Variants in PLD5 observed in about 807,000 individuals in gnomAD.
The protein encoded by PLD5 is inactive phospholipase D5.
Under a neutral mutation model 61.1 loss-of-function variants are expected in PLD5, and 36 were observed. The ratio of observed to expected loss-of-function variants is 0.59; its 90% confidence interval spans 0.45 to 0.78. The LOEUF is 0.78. Among genes scored for constraint, PLD5 ranks in the 30% least tolerant of loss-of-function variants. PLD5 has a pLI of 0.00. For synonymous variants in PLD5, 243 were observed against 242.8 expected, an observed-to-expected ratio of 1.00 and a Z score of -0.01; for missense variants, 515 against 644.4, an observed-to-expected ratio of 0.80 and a Z score of 2.17.
chr1:242,377,025 A>C (rs1256147299), intron 1 of PLD5: 1 of 1,611,594 alleles, frequency 6.2e-7, no homozygotes, highest in Non-Finnish European at 8.5e-7. Flanking sequence ...TTTTGCGCAC[A>C]CTTTGCACTT....
At chr1:242,258,581 G>A (rs1237093887) in intron 4 of PLD5, among the ~76,000 whole-genome samples, 1 of 152,178 alleles carries the variant, frequency 6.6e-6, no homozygotes, top group Admixed American at 6.5e-5. Context: ...TTGTGACAAA[G>A]TTGTCACTGC....
At chr1:242,170,330 C>G (rs1490650838) in intron 5 of PLD5, among the ~76,000 whole-genome samples, 1 of 152,170 alleles carries the variant, frequency 6.6e-6, no homozygotes, top group Admixed American at 6.5e-5. Context: ...CCAGCAGACC[C>G]ACAGCAGAGG....
chr1:242,290,982 C>T (rs1439939785), intron 2 of PLD5, among the ~76,000 whole-genome samples: 2 of 152,140 alleles, frequency 1.3e-5, no homozygotes, highest in African/African-American at 2.4e-5. Flanking sequence ...GCCCTTGACC[C>T]GCCCCCACAT....
intron 1 of PLD5, among the ~76,000 whole-genome samples, chr1:242,424,198 C>A (rs544850768): frequency 6.6e-6 from 1 of 152,264 alleles, no homozygotes; most frequent in South Asian, 2.1e-4. Flanking sequence ...CAATCCCTCT[C>A]AATCTGGCTC....
chr1:242,518,778 A>C (rs947004751), intron 1 of PLD5, among the ~76,000 whole-genome samples: 17 of 152,212 alleles, frequency 1.1e-4, no homozygotes, highest in Admixed American at 7.2e-4. Context: ...ATTATGTTAA[A>C]ATAAGTCAAG....
intron 2 of PLD5, among the ~76,000 whole-genome samples, chr1:242,325,971 T>G (rs1658748966): frequency 7.1e-6 from 1 of 141,088 alleles, no homozygotes; most frequent in South Asian, 2.3e-4. Flanking sequence ...CACTGTAACC[T>G]CAAACTGCTG....
At chr1:242,135,463 CTG>C (rs1348788466) in intron 5 of PLD5, among the ~76,000 whole-genome samples, 2 of 152,204 alleles carry the variant, frequency 1.3e-5, no homozygotes, top group East Asian at 3.8e-4. Flanking sequence ...TTGCCATTCT[CTG>C]CTGCTGCCTG....
Position 242,243,666 on chromosome 1 carries a change from G to A in PLD5, c.607+21671C>T, listed in dbSNP as rs78970973. On this transcript the variant is annotated intron_variant, in intron 4 of 9. Transcript: ENST00000536534. ...AATAGAAGAGGAACAAGGAGTTTGG[G>A]AAACTCTTCCTAGGCCAGATCCTGT... is the stretch of plus-strand genomic sequence containing the variant. Among the ~76,000 whole-genome samples, 1,028 of 152,272 alleles carry A rather than the reference G, an allele frequency of 6.8e-3. 21 individuals carry two copies. Among genetic ancestry groups the A allele is most frequent in the East Asian group, 0.058 (298 of 5,166 alleles).
In PLD5 at chr1:242,493,341, C is replaced by T. The variant is rs146433744; in HGVS notation, c.189+30747G>A. Among the ~76,000 whole-genome samples, 32 of 152,178 alleles carry T rather than the reference C, an allele frequency of 2.1e-4. No homozygotes were observed. In the East Asian group the frequency reaches 3.5e-3, roughly 17 times the overall value. On this transcript the variant is annotated intron_variant, in intron 1 of 9. Transcript: ENST00000536534. ...GGTTGGCCCACAAGCTGGGAGGCCA[C>T]GCAGCGAATGTCTGAAGCCTTCATG...
chr1:242,308,458 C>A (rs1218508085), intron 2 of PLD5, among the ~76,000 whole-genome samples: 1 of 152,026 alleles, frequency 6.6e-6, no homozygotes, highest in African/African-American at 2.4e-5. Flanking sequence ...TTTAAAGGTA[C>A]CTTCCAGAGT....
intron 5 of PLD5, among the ~76,000 whole-genome samples, chr1:242,145,528 G>A (rs1282041039): frequency 6.6e-6 from 1 of 152,106 alleles, no homozygotes. Flanking sequence ...CACAACAAGA[G>A]ACAAAGAAGA....
At chr1:242,195,606 G>A (rs566831598) in intron 5 of PLD5, among the ~76,000 whole-genome samples, 1 of 152,250 alleles carries the variant, frequency 6.6e-6, no homozygotes, top group African/African-American at 2.4e-5. Flanking sequence ...GCAGTGTCTG[G>A]CAGGCAATTT....
chr1:242,524,677 C>A lies in PLD5; in HGVS notation c.-401G>T. The A allele has an allele frequency of 1.4e-5, 2 of 138,278 alleles. No individual in the cohort carries two copies. The highest frequency in any genetic ancestry group is 4.4e-4 in the South Asian group (2 of 4,512). 8.6% of individuals were successfully genotyped at this position (138,278 alleles called of 1,614,324 possible). A position where few individuals can be genotyped will look rare whatever the true frequency, so the allele number is the denominator to read the frequency against. On this transcript the variant is annotated 5_prime_UTR_variant, in exon 1 of 10. Transcript: ENST00000536534. Reference sequence around the variant, plus strand: ...GGTCCCGAGCGGGCGCTCCGCTCGCCGGCTCCTTGCGGCACCTACTGGGAC... The same window carrying A: ...GGTCCCGAGCGGGCGCTCCGCTCGCAGGCTCCTTGCGGCACCTACTGGGAC...
intron 1 of PLD5, among the ~76,000 whole-genome samples, chr1:242,514,708 G>C (rs1558162134): frequency 6.6e-6 from 1 of 152,154 alleles, no homozygotes; most frequent in Non-Finnish European, 1.5e-5. Flanking sequence ...TAGTTTAGTG[G>C]GAAAGGCAAA....
chr1:242,104,237 C>CTCCTGAG (rs1041306692), intron 8 of PLD5, among the ~76,000 whole-genome samples: 4 of 146,350 alleles, frequency 2.7e-5, no homozygotes, highest in South Asian at 2.1e-4. Context: ...TTGCCTCTAC[C>CTCCTGAG]TCCTGAGTCC....
intron 5 of PLD5, among the ~76,000 whole-genome samples, chr1:242,208,631 CAGT>C (rs1283807600): frequency 6.6e-6 from 1 of 152,054 alleles, no homozygotes; most frequent in African/African-American, 2.4e-5. Flanking sequence ...GCTGGCTGGT[CAGT>C]TTGTTCTCCC....
At chr1:242,138,386 G>A (rs574448081) in intron 5 of PLD5, among the ~76,000 whole-genome samples, 78 of 152,030 alleles carry the variant, frequency 5.1e-4, no homozygotes, top group Middle Eastern at 3.4e-3. Context: ...AGGGGAAATA[G>A]CACCAACATT....
intron 5 of PLD5, 29 bp from the exon 6 acceptor site, chr1:242,124,694 G>A: frequency 6.4e-7 from 1 of 1,561,518 alleles, no homozygotes; most frequent in Non-Finnish European, 8.8e-7. Context: ...AAGCATCAAT[G>A]CCATGTGTGT....
intron 2 of PLD5, among the ~76,000 whole-genome samples, chr1:242,317,512 C>T (rs979222742): frequency 1.3e-5 from 2 of 152,152 alleles, no homozygotes; most frequent in Admixed American, 6.5e-5. Context: ...CCCTTTCCTA[C>T]ATCCCTAACG....
Sources: allele counts gnomAD v4.1 joint callset (sites outside exome capture counted in the v4.1 genomes callset), GRCh38; gene constraint gnomAD v4.1.1; transcripts MANE v1.5; gene names NCBI Gene and HGNC (gene_info 2026-07-23, HGNC 2026-07-21).